Variants in ZNF423 observed in about 807,000 individuals in gnomAD.
The protein encoded by ZNF423 is Ebf-associated zinc finger protein.
A neutral mutation model predicts 95.8 loss-of-function variants in ZNF423; 12 were observed. The ratio of observed to expected loss-of-function variants is 0.13; its 90% CI spans 0.08 to 0.20. ZNF423 has a LOEUF of 0.20. ZNF423 is among the 10% of genes least tolerant of loss of function. ZNF423 has a pLI of 1.00. For synonymous variants in ZNF423, 749 were observed against 711.9 expected, an observed-to-expected ratio of 1.05 and a Z score of -0.83; for missense variants, 1,316 against 1,737.1, an observed-to-expected ratio of 0.76 and a Z score of 4.31.
At chr16:49,526,517 G>A (rs1037975906) in intron 5 of ZNF423, among the ~76,000 whole-genome samples, 2 of 152,158 alleles carry the variant, frequency 1.3e-5, no homozygotes, top group Admixed American at 1.3e-4. Flanking sequence ...TTCAAATTCT[G>A]GCTCCTCAGC....
At chr16:49,646,997 A>C (rs1567530421) in intron 3 of ZNF423, among the ~76,000 whole-genome samples, 1 of 152,220 alleles carries the variant, frequency 6.6e-6, no homozygotes, top group Non-Finnish European at 1.5e-5. Flanking sequence ...ACACTCCAAG[A>C]AGGAAAGTAA....
chr16:49,539,357 C>T (rs1969170386), intron 5 of ZNF423, among the ~76,000 whole-genome samples: 1 of 152,168 alleles, frequency 6.6e-6, no homozygotes, highest in South Asian at 2.1e-4. Context: ...GCCACCATGC[C>T]ATTCTCAGGG....
At chr16:49,829,925 C>G (rs761835546) in intron 1 of ZNF423, among the ~76,000 whole-genome samples, 1 of 152,182 alleles carries the variant, frequency 6.6e-6, no homozygotes, top group Non-Finnish European at 1.5e-5. Context: ...CACTGTGAAT[C>G]CCTTCTCCAT....
At chr16:49,786,728 C>T (rs2034320238) in intron 2 of ZNF423, among the ~76,000 whole-genome samples, 1 of 152,192 alleles carries the variant, frequency 6.6e-6, no homozygotes, top group African/African-American at 2.4e-5. Flanking sequence ...CCACAGCTTG[C>T]CGACTGGGGA....
chr16:49,548,017 T>G (rs1392281587), intron 5 of ZNF423, among the ~76,000 whole-genome samples: 2 of 152,198 alleles, frequency 1.3e-5, no homozygotes, highest in African/African-American at 4.8e-5. Context: ...TTAATTATCA[T>G]CATTGCCATG....
chr16:49,567,534 C>A (rs1970230626), intron 5 of ZNF423, among the ~76,000 whole-genome samples: 2 of 152,064 alleles, frequency 1.3e-5, no homozygotes, highest in South Asian at 4.2e-4. Flanking sequence ...TCTCGGTCGC[C>A]GTTCATGCTG....
upstream of ZNF423, among the ~76,000 whole-genome samples, chr16:49,856,830 G>C (rs1426228869): frequency 6.7e-6 from 1 of 148,188 alleles, no homozygotes; most frequent in East Asian, 2.0e-4. Flanking sequence ...CCGGTGCCAA[G>C]TCGCCGGCCC....
At chr16:49,841,329 C>T (rs75686819) in intron 1 of ZNF423, among the ~76,000 whole-genome samples, 9,616 of 152,164 alleles carry the variant, frequency 0.063, 385 homozygotes, top group Middle Eastern at 0.14. Flanking sequence ...TGACCTTGGA[C>T]ACCTAGCTTG....
intron 5 of ZNF423, among the ~76,000 whole-genome samples, chr16:49,570,229 A>G (rs1970313803): frequency 6.6e-6 from 1 of 152,144 alleles, no homozygotes; most frequent in South Asian, 2.1e-4. Context: ...TGCCATCGTG[A>G]CCCTTTAGTG....
At chr16:49,677,304 AAGAG>A (rs1408977960) in intron 3 of ZNF423, among the ~76,000 whole-genome samples, 2 of 94,924 alleles carry the variant, frequency 2.1e-5, no homozygotes, top group African/African-American at 4.1e-5. Context: ...AAGAGAAGAG[AAGAG>A]AAAGGAGGGG....
chr16:49,639,838 A>T (rs905762646), intron 3 of ZNF423, among the ~76,000 whole-genome samples: 2 of 152,168 alleles, frequency 1.3e-5, no homozygotes, highest in Non-Finnish European at 2.9e-5. Flanking sequence ...CTAGCCTCAG[A>T]GGAAAACTAA....
intron 2 of ZNF423, chr16:49,780,455 C>G (rs572888585): frequency 6.6e-6 from 1 of 152,426 alleles, no homozygotes; most frequent in South Asian, 2.1e-4. Flanking sequence ...GCTGCAGCTA[C>G]CTGGGCATAC....
intron 3 of ZNF423, among the ~76,000 whole-genome samples, chr16:49,683,318 G>A (rs185811005): frequency 1.3e-5 from 2 of 152,160 alleles, no homozygotes; most frequent in South Asian, 4.1e-4. Flanking sequence ...ATCACTACTG[G>A]AGAAAGAGCT....
chr16:49,559,311 G>A (rs533990461), intron 5 of ZNF423, among the ~76,000 whole-genome samples: 8 of 152,320 alleles, frequency 5.3e-5, no homozygotes, highest in African/African-American at 1.9e-4. Context: ...GGTACAGTAC[G>A]GGAAATAAAA....
At chr16:49,501,074 T>C (rs902770170) in intron 7 of ZNF423, among the ~76,000 whole-genome samples, 1 of 152,162 alleles carries the variant, frequency 6.6e-6, no homozygotes, top group African/African-American at 2.4e-5. Context: ...GTTTATGTCA[T>C]GAAAAAGAGC....
At chr16:49,645,545 T>C (rs1441551239) in intron 3 of ZNF423, among the ~76,000 whole-genome samples, 1 of 152,194 alleles carries the variant, frequency 6.6e-6, no homozygotes, top group Non-Finnish European at 1.5e-5. Flanking sequence ...CAATGCTAGA[T>C]GCTTTTCAGG....
At chr16:49,659,703 C>T (rs1241623589) in intron 3 of ZNF423, among the ~76,000 whole-genome samples, 1 of 152,232 alleles carries the variant, frequency 6.6e-6, no homozygotes, top group Non-Finnish European at 1.5e-5. Flanking sequence ...CCAGATCCTG[C>T]ACATGGCACA....
intron 5 of ZNF423, among the ~76,000 whole-genome samples, chr16:49,621,736 C>T (rs1427899617): frequency 1.3e-5 from 2 of 152,172 alleles, no homozygotes; most frequent in Non-Finnish European, 2.9e-5. Flanking sequence ...GGACACTGGG[C>T]CCCAAAAGAT....
At chr16:49,653,701 C>G (rs1238653053) in intron 3 of ZNF423, among the ~76,000 whole-genome samples, 3 of 152,180 alleles carry the variant, frequency 2.0e-5, no homozygotes, top group African/African-American at 7.2e-5. Flanking sequence ...ATGGACAACA[C>G]TTTTGGAGGC....
Sources: allele counts gnomAD v4.1 joint callset (sites outside exome capture counted in the v4.1 genomes callset), GRCh38; gene constraint gnomAD v4.1.1; transcripts MANE v1.5; gene names NCBI Gene and HGNC (gene_info 2026-07-23, HGNC 2026-07-21).